The following USP31 variants were observed in gnomAD, a reference collection of about 807,000 sequenced individuals.
USP31 encodes ubiquitin carboxyl-terminal hydrolase 31.
In USP31, 44 loss-of-function variants were observed where a neutral mutation model predicts 119.4. That is an observed-to-expected ratio of 0.37 (90% CI 0.29 to 0.47). USP31 has a LOEUF of 0.47. Among genes scored for constraint, USP31 ranks in the 20% least tolerant of loss-of-function variants. The probability of loss-of-function intolerance (pLI) is 0.99; values close to 1 mark genes in which losing one functional copy is unlikely to be tolerated. For synonymous variants in USP31, 749 were observed against 705.6 expected (o/e 1.06, Z -0.97); for missense variants, 1,643 against 1,730.2 (o/e 0.95, Z 0.89).
intron 1 of USP31, among the ~76,000 whole-genome samples, chr16:23,129,810 T>C (rs989098829): frequency 1.3e-5 from 2 of 152,184 alleles, no homozygotes; most frequent in Non-Finnish European, 2.9e-5. Flanking sequence ...CTACAGGGGT[T>C]AGGGGAACTT....
In USP31 at chr16:23,135,808, T is replaced by C. The variant is rs185495492; in HGVS notation, c.633+12830A>G. On this transcript the variant is annotated intron_variant, in intron 1 of 15. Transcript: ENST00000219689. ...TCTCTGTCAAAATCCTAACAGCATC[T>C]TTTGGAAGAAATAGAAAAGTCCATC... 1.1e-3 allele frequency among the ~76,000 whole-genome samples: 161 copies of C among 152,312 alleles called. 1 individual carries two copies. Among genetic ancestry groups the C allele is most frequent in the African/African-American group, 3.6e-3 (149 of 41,556 alleles).
At chr16:23,135,150 A>C (rs571456717) in intron 1 of USP31, among the ~76,000 whole-genome samples, 3 of 151,908 alleles carry the variant, frequency 2.0e-5, no homozygotes, top group South Asian at 4.2e-4. Context: ...AAAAAAAAAA[A>C]AAAAACACTC....
chr16:23,124,973 C>T (rs886960085), intron 1 of USP31, among the ~76,000 whole-genome samples: 4 of 152,134 alleles, frequency 2.6e-5, no homozygotes, highest in African/African-American at 9.7e-5. Flanking sequence ...AAAGCTAGAC[C>T]CAGTGAAAGT....
chr16:23,094,679 T>A (rs1464259506), intron 6 of USP31, among the ~76,000 whole-genome samples: 1 of 152,168 alleles, frequency 6.6e-6, no homozygotes, highest in East Asian at 1.9e-4. Flanking sequence ...TATTTGCTGT[T>A]CTGCAGCCTC....
At chr16:23,124,131 C>T (rs187998179) in intron 1 of USP31, among the ~76,000 whole-genome samples, 2 of 152,102 alleles carry the variant, frequency 1.3e-5, no homozygotes, top group African/African-American at 4.8e-5. Context: ...AATAAGAATT[C>T]GAACAATATA....
chr16:23,141,905 G>T (rs981268814), intron 1 of USP31, among the ~76,000 whole-genome samples: 2 of 152,184 alleles, frequency 1.3e-5, no homozygotes, highest in Admixed American at 1.3e-4. Context: ...ATAAAAGGAT[G>T]AATAAATGAA....
rs914338112 is a variant in USP31, at chr16:23,066,316, T to C, written c.*1730A>G. 1 of 152,526 alleles carries C rather than the reference T, an allele frequency of 6.6e-6. No homozygotes were observed. Among genetic ancestry groups the C allele is most frequent in the Admixed American group, 6.5e-5 (1 of 15,268 alleles). 9.4% of individuals were successfully genotyped at this position (152,526 alleles called of 1,614,324 possible). ...CAGCTACCCTCAACAGTAAGTGGTC[T>C]CCAGACTTGCAAGTTACCGGCTAAT... On this transcript the variant is annotated 3_prime_UTR_variant, in exon 16 of 16. Transcript: ENST00000219689.
intron 1 of USP31, among the ~76,000 whole-genome samples, chr16:23,127,889 G>A (rs907314651): frequency 6.6e-6 from 1 of 152,122 alleles, no homozygotes; most frequent in Non-Finnish European, 1.5e-5. Context: ...TAGAATATAT[G>A]CTATGGACAA....
In USP31 at chr16:23,090,752, A is replaced by G. The variant is rs1183835363; in HGVS notation, c.1287T>C (p.His429=). 1.9e-6 allele frequency: 3 copies of G among 1,611,016 alleles called. No homozygotes were observed. The highest frequency in any genetic ancestry group is 4.5e-5 in the East Asian group (2 of 44,856). ...LNHLKFGLDY[H]RLSSPTQTAA... ...CTGTTTGTGTAGGAGAAGACAGTCT[A>G]TGATAATCCAAGCCAAATTTCAAGT... Residue 429 remains histidine, a synonymous_variant, in exon 7 of 16, where the codon CAT becomes CAC. Transcript: ENST00000219689.
intron 1 of USP31, among the ~76,000 whole-genome samples, chr16:23,139,602 C>A (rs1166756916): frequency 6.6e-6 from 1 of 152,106 alleles, no homozygotes; most frequent in Non-Finnish European, 1.5e-5. Flanking sequence ...TAGTTTCCCT[C>A]AAAGGCTTAG....
intron 1 of USP31, among the ~76,000 whole-genome samples, chr16:23,132,884 A>C (rs1343309533): frequency 6.6e-6 from 1 of 152,084 alleles, no homozygotes; most frequent in Admixed American, 6.6e-5. Context: ...CGTTATTTTC[A>C]TCTCCTCCTC....
intron 1 of USP31, among the ~76,000 whole-genome samples, chr16:23,111,441 G>A (rs1902313755): frequency 6.6e-6 from 1 of 152,180 alleles, no homozygotes. Flanking sequence ...AATAAAAAAG[G>A]AGGAAGTCCA....
chr16:23,105,838 A>G (rs1299165830), intron 4 of USP31, among the ~76,000 whole-genome samples: 2 of 152,180 alleles, frequency 1.3e-5, no homozygotes, highest in African/African-American at 2.4e-5. Flanking sequence ...TGTGCTTTGT[A>G]TTTTCTTTAG....
intron 1 of USP31, among the ~76,000 whole-genome samples, chr16:23,113,801 T>C (rs1223480578): frequency 1.3e-5 from 2 of 152,014 alleles, no homozygotes; most frequent in African/African-American, 2.4e-5. Flanking sequence ...AAAGGAGATA[T>C]CTGAATAAAG....
At chr16:23,093,271 T>A (rs1901450008) in intron 6 of USP31, among the ~76,000 whole-genome samples, 1 of 152,206 alleles carries the variant, frequency 6.6e-6, no homozygotes, top group Non-Finnish European at 1.5e-5. Flanking sequence ...GCAAGTCATA[T>A]ATCCCATAAG....
At chr16:23,120,438 T>C (rs1015067729) in intron 1 of USP31, among the ~76,000 whole-genome samples, 1 of 152,242 alleles carries the variant, frequency 6.6e-6, no homozygotes, top group African/African-American at 2.4e-5. Context: ...TATGGAGCTT[T>C]AAACGAAAGT....
intron 1 of USP31, among the ~76,000 whole-genome samples, chr16:23,110,854 C>T (rs899880499): frequency 1.6e-4 from 24 of 152,148 alleles, no homozygotes; most frequent in African/African-American, 5.1e-4. Context: ...GGGGGCCGGG[C>T]GCAGTGGCTC....
chr16:23,116,946 C>A (rs1158070046), intron 1 of USP31, among the ~76,000 whole-genome samples: 2 of 152,066 alleles, frequency 1.3e-5, no homozygotes, highest in African/African-American at 4.8e-5. Flanking sequence ...GTTGAGTATC[C>A]CTTATGCAAA....
chr16:23,081,703 A>C (rs1161326863), intron 12 of USP31, among the ~76,000 whole-genome samples: 1 of 152,026 alleles, frequency 6.6e-6, no homozygotes, highest in Admixed American at 6.6e-5. Context: ...ACCAGCATCC[A>C]CCCACGTCTT....
Sources: allele counts gnomAD v4.1 joint callset (sites outside exome capture counted in the v4.1 genomes callset), GRCh38; gene constraint gnomAD v4.1.1; transcripts MANE v1.5; gene names NCBI Gene and HGNC (gene_info 2026-07-23, HGNC 2026-07-21).